Variants in TAAR5 observed in about 807,000 individuals in gnomAD.
TAAR5 encodes trace amine associated receptor 5, also known as trace amine-associated receptor 5.
TAAR5 carries 27 observed loss-of-function variants against 21.1 expected under a neutral mutation model. The ratio of observed to expected loss-of-function variants is 1.28; its 90% confidence interval spans 0.94 to 1.76. TAAR5 has a LOEUF of 1.76. Ranked by LOEUF, TAAR5 falls within the 40% of genes most tolerant of loss-of-function variation. The pLI, the probability that TAAR5 is intolerant of heterozygous loss-of-function variation, is 0.00. For missense variants in TAAR5, 495 were observed against 405.6 expected, an observed-to-expected ratio of 1.22 and a Z score of -1.89; for synonymous variants, 203 against 167.5, an observed-to-expected ratio of 1.21 and a Z score of -1.64.
chr6:132,598,236 A>G, the TAAR5 span, among the ~76,000 whole-genome samples: 1 of 152,178 alleles, frequency 6.6e-6, no homozygotes, highest in Non-Finnish European at 1.5e-5. Context: ...GGTAAATTAG[A>G]TTTAAGAAAG....
chr6:132,589,827 A>G (rs1776880427), upstream of TAAR5: 4 of 674,880 alleles, frequency 5.9e-6, no homozygotes, highest in Non-Finnish European at 9.4e-6. Flanking sequence ...AAACTAAAGT[A>G]CAGTTTGGAA....
the TAAR5 span, chr6:132,609,262 A>G: frequency 3.0e-6 from 1 of 329,828 alleles, no homozygotes; most frequent in Non-Finnish European, 5.9e-6. Context: ...CTTCGGGAAT[A>G]TAAGTTAGAT....
the TAAR5 span, among the ~76,000 whole-genome samples, chr6:132,611,667 C>T: frequency 1.1e-4 from 16 of 152,066 alleles, no homozygotes; most frequent in African/African-American, 3.4e-4. Context: ...GAGGAAATAG[C>T]GGAAGCAAGT....
At chr6:132,599,460 C>T in the TAAR5 span, among the ~76,000 whole-genome samples, 33 of 150,818 alleles carry the variant, frequency 2.2e-4, no homozygotes, top group Admixed American at 2.2e-3. Context: ...TCCCGAGTAG[C>T]TGGGATTACA....
At chr6:132,602,434 G>C in the TAAR5 span, among the ~76,000 whole-genome samples, 63,653 of 151,976 alleles carry the variant, frequency 0.42, 13,813 homozygotes, top group African/African-American at 0.52. Flanking sequence ...AGCTACATCC[G>C]TTGCATGCGC....
At chr6:132,605,440 A>T in the TAAR5 span, among the ~76,000 whole-genome samples, 2 of 152,318 alleles carry the variant, frequency 1.3e-5, no homozygotes, top group South Asian at 4.1e-4. Flanking sequence ...AGCTAAGTCT[A>T]TCCAAATAGA....
the TAAR5 span, among the ~76,000 whole-genome samples, chr6:132,599,323 C>CTTTTTTTTT: frequency 1.0e-5 from 1 of 98,490 alleles, no homozygotes; most frequent in African/African-American, 4.1e-5. Context: ...CTTTTCTTTT[C>CTTTTTTTTT]TTTTTTTTTT....
chr6:132,595,988 A>C, the TAAR5 span, among the ~76,000 whole-genome samples: 56 of 152,232 alleles, frequency 3.7e-4, no homozygotes, highest in African/African-American at 7.5e-4. Context: ...GGAAACATTT[A>C]TCTCTCCAGT....
upstream of TAAR5, among the ~76,000 whole-genome samples, chr6:132,593,724 G>T (rs148225468): frequency 1.2e-4 from 19 of 152,260 alleles, no homozygotes; most frequent in South Asian, 1.9e-3. Flanking sequence ...TACATACATG[G>T]ATCTAAAGTG....
chr6:132,591,282 T>C (rs1309845658), upstream of TAAR5, among the ~76,000 whole-genome samples: 6 of 152,218 alleles, frequency 3.9e-5, no homozygotes, highest in Admixed American at 3.3e-4. Context: ...TATGCCTCTT[T>C]ATGGTTACAG....
chr6:132,611,846 C>T, the TAAR5 span, among the ~76,000 whole-genome samples: 1 of 152,120 alleles, frequency 6.6e-6, no homozygotes, highest in East Asian at 1.9e-4. Context: ...TAAGTTAGCC[C>T]CCAGTTTATT....
upstream of TAAR5, among the ~76,000 whole-genome samples, chr6:132,590,766 T>C (rs185490923): frequency 1.3e-5 from 2 of 152,366 alleles, no homozygotes; most frequent in Non-Finnish European, 2.9e-5. Flanking sequence ...TAATTAGAGA[T>C]AAAATTTAAA....
chr6:132,616,634 G>A, the TAAR5 span, among the ~76,000 whole-genome samples: 6 of 152,154 alleles, frequency 3.9e-5, no homozygotes, highest in East Asian at 9.6e-4. Context: ...TTAACTCTCA[G>A]CTAACACATA....
chr6:132,597,761 A>G, the TAAR5 span, among the ~76,000 whole-genome samples: 2 of 152,216 alleles, frequency 1.3e-5, no homozygotes, highest in Non-Finnish European at 2.9e-5. Context: ...AGGAGGCAGA[A>G]AGAAACATCC....
In TAAR5 at chr6:132,589,708, T is replaced by A. The variant is rs762580707; in HGVS notation, c.-22A>T. On this transcript the variant is annotated 5_prime_UTR_variant, in exon 1 of 1. Transcript: ENST00000258034. The stretch of plus-strand genomic sequence containing the variant: ...TCATTTATGATTTCTACTCTTCCTC[T>A]GTCTGAGAACTGGCCACCTTCTCCA... 3.1e-6 allele frequency: 4 copies of A among 1,303,502 alleles called. No individual in the cohort carries two copies. Among genetic ancestry groups the A allele is most frequent in the Non-Finnish European group, 4.0e-6 (4 of 994,792 alleles). The allele number at this position is 1,303,502 out of a possible 1,614,324, so 80.7% of individuals were successfully genotyped here.
chr6:132,604,002 G>A, the TAAR5 span, among the ~76,000 whole-genome samples: 1 of 152,020 alleles, frequency 6.6e-6, no homozygotes, highest in African/African-American at 2.4e-5. Context: ...TAAATTATAA[G>A]TTAAATAAAA....
At chr6:132,608,155 G>T in the TAAR5 span, 9 of 362,926 alleles carry the variant, frequency 2.5e-5, no homozygotes, top group Non-Finnish European at 4.8e-5. Context: ...TATCATGTTT[G>T]CAGTGATCTG....
chr6:132,595,658 TA>T, the TAAR5 span, among the ~76,000 whole-genome samples: 1 of 152,124 alleles, frequency 6.6e-6, no homozygotes, highest in African/African-American at 2.4e-5. Context: ...GGGATCTTTT[TA>T]AAACACAGAT....
chr6:132,590,819 G>A (rs1321289744), upstream of TAAR5, among the ~76,000 whole-genome samples: 2 of 152,118 alleles, frequency 1.3e-5, no homozygotes, highest in South Asian at 2.1e-4. Flanking sequence ...TCAGTTCTGG[G>A]ATGTTTTGAA....
Sources: allele counts gnomAD v4.1 joint callset (sites outside exome capture counted in the v4.1 genomes callset), GRCh38; gene constraint gnomAD v4.1.1; transcripts MANE v1.5; gene names NCBI Gene and HGNC (gene_info 2026-07-23, HGNC 2026-07-21).